Variants in CERK observed in about 807,000 individuals in gnomAD.
CERK encodes the protein ceramide kinase.
A neutral mutation model predicts 63.4 loss-of-function variants in CERK; 39 were observed. That is an observed-to-expected ratio of 0.61 (90% confidence interval 0.48 to 0.80). The LOEUF is 0.80. Ranked by LOEUF, CERK falls within the 30% of genes least tolerant of loss-of-function variation. CERK has a pLI of 0.00. For missense variants in CERK, 670 were observed against 714.1 expected, an observed-to-expected ratio of 0.94 and a Z score of 0.70; for synonymous variants, 302 against 280.0, an observed-to-expected ratio of 1.08 and a Z score of -0.78.
Position 46,690,040 on chromosome 22 carries a change from G to A in CERK, c.1493C>T (p.Ser498Phe). The stretch of plus-strand genomic sequence containing the variant: ...CAGGACCTCCCCGTCGCAGTTCCAG[G>A]AGCTGTTGGAGACGGTGCAGCAGCA... ...PSCCCTVSNSSWNCDGEVLHS... is the reference protein window; with the variant it reads ...PSCCCTVSNSFWNCDGEVLHS... Residue 498 changes from serine (S) to phenylalanine (F), a missense_variant, in exon 12 of 13, where the codon TCC (serine) becomes TTC (phenylalanine). Physicochemically the swap from Ser to Phe is radical, Grantham distance 155. Coordinates refer to ENST00000216264, the MANE Select transcript of CERK (RefSeq NM_022766.6). The A allele has an allele frequency of 1.9e-6, 3 of 1,613,002 alleles. No individual in the cohort carries two copies. The highest frequency in any genetic ancestry group is 2.5e-6 in the Non-Finnish European group (3 of 1,179,986).
At position 46,707,906 on chromosome 22, in the gene CERK, C is replaced by T. The variant is rs367824349; in HGVS notation, c.652G>A (p.Asp218Asn). 1.9e-5 allele frequency: 30 copies of T among 1,613,758 alleles called. No homozygotes were observed. The highest frequency in any genetic ancestry group is 1.1e-4 in the South Asian group (10 of 91,062). The stretch of plus-strand genomic sequence containing the variant: ...AGCACAGCCCGGGGGTGGTTCTGGT[C>T]GACCCCGGCGCTCCTCTGCGTCCTC... ...IGRTQRSAGV[D>N]QNHPRAVLVP... Residue 218 changes from aspartate to asparagine, a missense_variant, in exon 6 of 13, where the codon GAC becomes AAC. By Grantham distance (23) the Asp-to-Asn change is conservative. Transcript: ENST00000216264.
At chr22:46,722,122 T>C (rs1228127541) in intron 1 of CERK, among the ~76,000 whole-genome samples, 1 of 152,204 alleles carries the variant, frequency 6.6e-6, no homozygotes, top group African/African-American at 2.4e-5. Context: ...CACAGAAGAA[T>C]GTTATAATTT....
At chr22:46,734,843 A>G (rs1221213979) in intron 1 of CERK, among the ~76,000 whole-genome samples, 1 of 152,264 alleles carries the variant, frequency 6.6e-6, no homozygotes, top group Non-Finnish European at 1.5e-5. Context: ...ATATTATTAA[A>G]TCAACATGAC....
Position 46,699,468 on chromosome 22 carries a change from G to A in CERK, c.791-3C>T. 1 of 1,614,014 alleles carries A rather than the reference G, an allele frequency of 6.2e-7. No homozygotes were observed. Among genetic ancestry groups the A allele is most frequent in the East Asian group, 2.2e-5 (1 of 44,886 alleles). On this transcript the variant is annotated splice_polypyrimidine_tract_variant and splice_region_variant and intron_variant, in intron 7 of 12. Transcript: ENST00000216264. ...CACATCCATGGCCAGCGAGTCCCCT[G>A]TGGGAGAGAACGGCCGTGAGGGAAG... is the stretch of plus-strand genomic sequence containing the variant.
chr22:46,690,043 C>T lies in CERK; in HGVS notation c.1490G>A (p.Ser497Asn). Residue 497 changes from serine to asparagine, a missense_variant, in exon 12 of 13, where the codon AGC becomes AAC. Ser to Asn is a conservative substitution (Grantham distance 46, BLOSUM62 1). Coordinates refer to ENST00000216264, the MANE Select transcript of CERK (RefSeq NM_022766.6). The part of the protein sequence containing the change: ...HPSCCCTVSN[S>N]SWNCDGEVLH... ...GACCTCCCCGTCGCAGTTCCAGGAG[C>T]TGTTGGAGACGGTGCAGCAGCAGGA... 6.2e-7 allele frequency: 1 copy of T among 1,613,126 alleles called. No homozygotes were observed.
At chr22:46,693,830 C>G (rs776533785) in intron 9 of CERK, 2 of 361,182 alleles carry the variant, frequency 5.5e-6, no homozygotes, top group African/African-American at 4.2e-5. Context: ...GCACTGGTTC[C>G]CCCAGCGGAC....
At chr22:46,701,787 A>T in intron 6 of CERK, 77 bp from the exon 7 acceptor site, 1 of 1,033,258 alleles carries the variant, frequency 9.7e-7, no homozygotes, top group Non-Finnish European at 1.5e-6. Flanking sequence ...AGTGAGTGGT[A>T]CCTCATTCCT....
At chr22:46,705,899 TG>T (rs2082810452) in intron 6 of CERK, among the ~76,000 whole-genome samples, 1 of 151,862 alleles carries the variant, frequency 6.6e-6, no homozygotes, top group Non-Finnish European at 1.5e-5. Flanking sequence ...TGGCCGAGTG[TG>T]GTGGTGCACG....
At chr22:46,717,480 G>A (rs1237770571) in intron 3 of CERK, among the ~76,000 whole-genome samples, 4 of 152,368 alleles carry the variant, frequency 2.6e-5, no homozygotes, top group African/African-American at 4.8e-5. Context: ...ACGCGAGAGC[G>A]TGGAAAATTT....
At position 46,695,408 on chromosome 22, in the gene CERK, G is replaced by A. The variant is rs540659731; in HGVS notation, c.944-93C>T. On this transcript the variant is annotated intron_variant, in intron 8 of 12. Coordinates refer to ENST00000216264, the MANE Select transcript of CERK (RefSeq NM_022766.6). Reference sequence around the variant, plus strand: ...GGCAGCTTCAGAAATGTCGCTGAGCGCGCATCTGCCTAAACCGTCTGCAGG... The same window carrying A: ...GGCAGCTTCAGAAATGTCGCTGAGCACGCATCTGCCTAAACCGTCTGCAGG... 440 of 821,194 alleles carry A rather than the reference G, an allele frequency of 5.4e-4. 3 individuals carry two copies. The highest frequency in any genetic ancestry group is 5.2e-3 in the South Asian group (384 of 73,542). The allele number at this position is 821,194 out of a possible 1,614,324, so 50.9% of individuals were successfully genotyped here.
intron 9 of CERK, 169 bp from the exon 10 acceptor site, chr22:46,693,672 TA>T (rs1165855974): frequency 2.2e-5 from 13 of 580,018 alleles, no homozygotes; most frequent in Non-Finnish European, 4.0e-5. Flanking sequence ...GAATGAGACC[TA>T]CTTTTACAAT....
chr22:46,690,412 TCCCGGCGCCCACCTTC>T (rs1481085288), intron 11 of CERK, among the ~76,000 whole-genome samples: 6 of 151,254 alleles, frequency 4.0e-5, no homozygotes, highest in Non-Finnish European at 8.8e-5. Flanking sequence ...CACCCACCTT[TCCCGGCGCCCACCTTC>T]CCCGGCGCCT....
At chr22:46,711,010 G>A in intron 5 of CERK, 76 bp downstream of exon 5, 4 of 1,163,522 alleles carry the variant, frequency 3.4e-6, no homozygotes, top group Non-Finnish European at 5.1e-6. Flanking sequence ...AGGAAAAGGA[G>A]CTCTCAAAAC....
At chr22:46,727,453 T>TTTC (rs1569330384) in intron 1 of CERK, among the ~76,000 whole-genome samples, 6 of 30,214 alleles carry the variant, frequency 2.0e-4, no homozygotes, top group Non-Finnish European at 8.6e-4. Context: ...CTGTTTCTTT[T>TTTC]TTTTTTTTTT....
At chr22:46,706,403 G>A (rs1376924122) in intron 6 of CERK, among the ~76,000 whole-genome samples, 4 of 152,194 alleles carry the variant, frequency 2.6e-5, no homozygotes, top group Admixed American at 2.6e-4. Context: ...AGGCTCCCCC[G>A]AGATCCAGCG....
In CERK at chr22:46,699,503, C is replaced by T. The variant is rs971662020; in HGVS notation, c.791-38G>A. ...ACGGCCGTGAGGGAAGGCAGCCCCC[C>T]TCCAGCCCCGCCCCATCCACTCCAT... On this transcript the variant is annotated intron_variant, in intron 7 of 12. Transcript: ENST00000216264. 4.4e-6 allele frequency: 7 copies of T among 1,609,144 alleles called. No homozygotes were observed. The Admixed American group carries it at 1.2e-4, about 27-fold the overall frequency.
At chr22:46,713,002 G>A (rs1013727268) in intron 3 of CERK, among the ~76,000 whole-genome samples, 1 of 151,382 alleles carries the variant, frequency 6.6e-6, no homozygotes, top group Non-Finnish European at 1.5e-5. Flanking sequence ...CCGCCACCAC[G>A]CCCGGCTAAT....
At chr22:46,737,669 G>C (rs1377576276) in intron 1 of CERK, among the ~76,000 whole-genome samples, 1 of 152,220 alleles carries the variant, frequency 6.6e-6, no homozygotes, top group Non-Finnish European at 1.5e-5. Flanking sequence ...TCCATCCACA[G>C]TCCGTCTTGT....
intron 1 of CERK, among the ~76,000 whole-genome samples, chr22:46,723,631 AAAG>A (rs572214564): frequency 5.4e-4 from 82 of 152,284 alleles, no homozygotes; most frequent in African/African-American, 1.6e-3. Flanking sequence ...GAAAACAAAA[AAAG>A]AAGAAGAAGA....
Sources: allele counts gnomAD v4.1 joint callset (sites outside exome capture counted in the v4.1 genomes callset), GRCh38; gene constraint gnomAD v4.1.1; transcripts MANE v1.5; gene names NCBI Gene and HGNC (gene_info 2026-07-23, HGNC 2026-07-21).